LRP6: variants seen among roughly 807,000 people sequenced by gnomAD.
LRP6 encodes low-density lipoprotein receptor-related protein 6.
LRP6 carries 43 observed loss-of-function variants against 184.1 expected under a neutral mutation model. The ratio of observed to expected loss-of-function variants is 0.23; its 90% CI spans 0.18 to 0.30. LRP6 has a LOEUF of 0.30. Among genes scored for constraint, LRP6 ranks in the 10% least tolerant of loss-of-function variants. The pLI, the probability that LRP6 is intolerant of heterozygous loss-of-function variation, is 1.00. For synonymous variants in LRP6, 719 were observed against 684.9 expected, an observed-to-expected ratio of 1.05 and a Z score of -0.78; for missense variants, 1,571 against 2,005.3, an observed-to-expected ratio of 0.78 and a Z score of 4.14.
chr12:12,192,041 T>G (rs1251383845), intron 3 of LRP6, among the ~76,000 whole-genome samples: 1 of 152,108 alleles, frequency 6.6e-6, no homozygotes, highest in Admixed American at 6.5e-5. Flanking sequence ...TAATGTTTTC[T>G]CTTTTTCCTT....
chr12:12,125,360 C>T lies in LRP6; in HGVS notation c.4385G>A (p.Arg1462Gln), dbSNP rs1403008956. ...MGGSSGPPYD[R>Q]AHVTGASSSS... is the part of the protein sequence containing the mutation. ...TGATGATGCTCCTGTAACATGGGCT[C>T]GGTCATAGGGGGGTCCACTGCTTCC... Residue 1462 changes from arginine (R) to glutamine (Q), a missense_variant, in exon 21 of 23, where the codon CGA (arginine) becomes CAA (glutamine). Arg to Gln is a conservative substitution (Grantham distance 43). Transcript: ENST00000261349. The T allele has an allele frequency of 6.2e-7, 1 of 1,613,750 alleles. No homozygotes were observed. Among genetic ancestry groups the T allele is most frequent in the Non-Finnish European group, 8.5e-7 (1 of 1,179,906 alleles).
At chr12:12,161,478 C>T (rs1862740516) in intron 10 of LRP6, among the ~76,000 whole-genome samples, 1 of 152,100 alleles carries the variant, frequency 6.6e-6, no homozygotes. Context: ...CCATGTTGGC[C>T]AGGCTGGTCT....
chr12:12,225,402 T>A (rs1469802294), intron 2 of LRP6, among the ~76,000 whole-genome samples: 1 of 152,158 alleles, frequency 6.6e-6, no homozygotes, highest in African/African-American at 2.4e-5. Flanking sequence ...AGGATCATAA[T>A]TTATCAAAGC....
chr12:12,197,609 T>A (rs139757814), intron 3 of LRP6, among the ~76,000 whole-genome samples: 12 of 152,212 alleles, frequency 7.9e-5, no homozygotes, highest in African/African-American at 2.9e-4. Context: ...CAGTATTACA[T>A]CTATACTTCC....
intron 1 of LRP6, among the ~76,000 whole-genome samples, chr12:12,253,882 G>A (rs1014198483): frequency 3.3e-5 from 5 of 152,000 alleles, no homozygotes; most frequent in African/African-American, 4.8e-5. Context: ...GGTGGCTCAC[G>A]CCTCTAATCC....
rs538719197 is a variant in LRP6, at chr12:12,173,992, G to A, written c.1545+5818C>T. ...TGATCATATGTTATGAAGATTTGGG[G>A]AGAAATATATATCCATACTAACATA... On this transcript the variant is annotated intron_variant, in intron 7 of 22. Transcript: ENST00000261349. Among the ~76,000 whole-genome samples, 20 of 152,262 alleles carry A rather than the reference G, an allele frequency of 1.3e-4. 1 individual carries two copies. The South Asian group carries it at 1.7e-3, about 13-fold the overall frequency.
chr12:12,137,245 C>T (rs973926172), intron 16 of LRP6, among the ~76,000 whole-genome samples: 4 of 152,090 alleles, frequency 2.6e-5, no homozygotes, highest in East Asian at 1.9e-4. Flanking sequence ...TTGGCATCCC[C>T]GGTACCATCA....
At chr12:12,236,104 G>A (rs1017978383) in intron 2 of LRP6, among the ~76,000 whole-genome samples, 2 of 152,094 alleles carry the variant, frequency 1.3e-5, no homozygotes, top group African/African-American at 4.8e-5. Context: ...GCGGGTGCCT[G>A]TAGTCCCAGT....
intron 2 of LRP6, among the ~76,000 whole-genome samples, chr12:12,211,929 T>A (rs1030665783): frequency 1.1e-4 from 16 of 152,196 alleles, no homozygotes; most frequent in Non-Finnish European, 2.2e-4. Context: ...GTCATTCCTC[T>A]TTCCAAAGAA....
intron 22 of LRP6, among the ~76,000 whole-genome samples, chr12:12,122,136 T>C (rs1180409005): frequency 6.6e-6 from 1 of 152,214 alleles, no homozygotes; most frequent in African/African-American, 2.4e-5. Flanking sequence ...GAGGCCTAGT[T>C]TATTTCTTAC....
At chr12:12,248,851 TCTC>T (rs1865254797) in intron 1 of LRP6, 2 of 265,692 alleles carry the variant, frequency 7.5e-6, no homozygotes, top group Non-Finnish European at 1.4e-5. Context: ...TATAGAATGT[TCTC>T]CTCATACAAT....
chr12:12,219,499 G>T (rs1465230454), intron 2 of LRP6, among the ~76,000 whole-genome samples: 2 of 152,068 alleles, frequency 1.3e-5, no homozygotes, highest in African/African-American at 4.8e-5. Context: ...CACCCCAACA[G>T]GCCAACTGTC....
Position 12,165,072 on chromosome 12 carries a change from TACTC to T in LRP6, c.1762+3_1762+6del. The T allele has an allele frequency of 6.2e-7, 1 of 1,604,892 alleles. No homozygotes were observed. The highest frequency in any genetic ancestry group is 8.5e-7 in the Non-Finnish European group (1 of 1,171,672). On this transcript the variant is annotated splice_donor_5th_base_variant and intron_variant, in intron 8 of 22. Coordinates refer to ENST00000261349, the MANE Select transcript of LRP6 (RefSeq NM_002336.3). ...CCCATTTCTAAGAAAGCTTTGGAGTTACTCACCAATCACTCGATGAACATTTGTA... is the reference window on the plus strand; with the variant it reads ...CCCATTTCTAAGAAAGCTTTGGAGTTACCAATCACTCGATGAACATTTGTA...
intron 2 of LRP6, among the ~76,000 whole-genome samples, chr12:12,212,323 A>T (rs192237436): frequency 2.4e-4 from 36 of 152,242 alleles, no homozygotes; most frequent in African/African-American, 7.9e-4. Flanking sequence ...AATACAGGTA[A>T]AATTTTATTT....
intron 15 of LRP6, among the ~76,000 whole-genome samples, chr12:12,139,966 G>A (rs1223255511): frequency 6.6e-6 from 1 of 152,138 alleles, no homozygotes; most frequent in Non-Finnish European, 1.5e-5. Flanking sequence ...TGGAACAAAG[G>A]TAGGAGTTAT....
At chr12:12,195,393 A>G (rs1280446836) in intron 3 of LRP6, among the ~76,000 whole-genome samples, 2 of 152,096 alleles carry the variant, frequency 1.3e-5, no homozygotes, top group Non-Finnish European at 2.9e-5. Context: ...GCCATATGGT[A>G]ACTAGGGTGA....
intron 2 of LRP6, chr12:12,210,876 T>TG (rs1864190020): frequency 6.6e-6 from 1 of 152,208 alleles, no homozygotes; most frequent in East Asian, 1.9e-4. Context: ...CCTGACCCCA[T>TG]GTTCCTCTCT....
chr12:12,183,829 C>A, intron 5 of LRP6, 151 bp downstream of exon 5: 1 of 647,572 alleles, frequency 1.5e-6, no homozygotes, highest in Non-Finnish European at 2.7e-6. Context: ...CAGAACAAAA[C>A]ACTCCTATTC....
At position 12,138,341 on chromosome 12, in the gene LRP6, C is replaced by T. The variant is rs930733720; in HGVS notation, c.3591G>A (p.Leu1197=). ...AACACTTACTGTATTCTTGAAGGTT[C>T]AGCTCCTTTACTGCATGAATGTCAC... ...QLSDIHAVKE[L]NLQEYRQHPC... is the part of the protein sequence containing the mutation. The change falls in exon 16 of 23, where the codon CTG becomes CTA. Residue 1197 remains leucine, a synonymous_variant. Coordinates refer to ENST00000261349, the MANE Select transcript of LRP6 (RefSeq NM_002336.3). 1 of 1,614,044 alleles carries T rather than the reference C, an allele frequency of 6.2e-7. No homozygotes were observed. The highest frequency in any genetic ancestry group is 8.5e-7 in the Non-Finnish European group (1 of 1,179,922).
Sources: allele counts gnomAD v4.1 joint callset (sites outside exome capture counted in the v4.1 genomes callset), GRCh38; gene constraint gnomAD v4.1.1; transcripts MANE v1.5; gene names NCBI Gene and HGNC (gene_info 2026-07-23, HGNC 2026-07-21).